The following FSTL4 variants were observed in gnomAD, a reference collection of about 807,000 sequenced individuals.
FSTL4 encodes the protein follistatin-related protein 4.
FSTL4 carries 28 observed loss-of-function variants against 78.2 expected under a neutral mutation model. The ratio of observed to expected loss-of-function variants is 0.36; its 90% CI spans 0.27 to 0.49. The LOEUF (loss-of-function observed/expected upper bound fraction) is 0.49, where lower values mean the gene tolerates loss of function less well. Among genes scored for constraint, FSTL4 ranks in the 20% least tolerant of loss-of-function variants. The pLI, the probability that FSTL4 is intolerant of heterozygous loss-of-function variation, is 0.98. For synonymous variants in FSTL4, 422 were observed against 440.5 expected (o/e 0.96, Z 0.53); for missense variants, 922 against 1,084.9 (o/e 0.85, Z 2.11).
At chr5:133,559,141 TAAAG>T (rs1004107340) in intron 3 of FSTL4, among the ~76,000 whole-genome samples, 1 of 152,150 alleles carries the variant, frequency 6.6e-6, no homozygotes, top group African/African-American at 2.4e-5. Context: ...CGTTTCCTAA[TAAAG>T]AAAGATTGCC....
intron 3 of FSTL4, among the ~76,000 whole-genome samples, chr5:133,449,224 G>A (rs1406874809): frequency 1.3e-5 from 2 of 152,124 alleles, no homozygotes; most frequent in Non-Finnish European, 2.9e-5. Flanking sequence ...CTGCCCCTTC[G>A]CGCCTCACCT....
At chr5:133,665,400 C>G in the FSTL4 span, among the ~76,000 whole-genome samples, 2 of 152,154 alleles carry the variant, frequency 1.3e-5, no homozygotes, top group Non-Finnish European at 2.9e-5. Context: ...GTTTTAAATG[C>G]CTGGGCCTGG....
At chr5:133,702,340 A>G in the FSTL4 span, among the ~76,000 whole-genome samples, 1 of 152,202 alleles carries the variant, frequency 6.6e-6, no homozygotes, top group African/African-American at 2.4e-5. Flanking sequence ...AGAGAAGGCT[A>G]TGGCTCCTCG....
At chr5:133,689,387 C>T in the FSTL4 span, among the ~76,000 whole-genome samples, 2 of 152,200 alleles carry the variant, frequency 1.3e-5, no homozygotes, top group African/African-American at 4.8e-5. Context: ...GAAAACATTG[C>T]TTGAGGCAAT....
the FSTL4 span, among the ~76,000 whole-genome samples, chr5:133,722,050 C>G: frequency 0.24 from 36,920 of 151,588 alleles, 5,076 homozygotes; most frequent in African/African-American, 0.38. Flanking sequence ...TTGATCAAAT[C>G]TGCTGTTGAA....
the FSTL4 span, among the ~76,000 whole-genome samples, chr5:133,823,509 C>T: frequency 2.0e-5 from 3 of 152,164 alleles, no homozygotes; most frequent in Admixed American, 6.5e-5. Flanking sequence ...GGGGAGATCT[C>T]ACTGGAAGCC....
intron 6 of FSTL4, among the ~76,000 whole-genome samples, chr5:133,261,172 C>T (rs977882158): frequency 5.3e-5 from 8 of 152,152 alleles, no homozygotes; most frequent in Admixed American, 1.3e-4. Flanking sequence ...ATCTCCATCA[C>T]GAGAAGGCCC....
upstream of FSTL4, among the ~76,000 whole-genome samples, chr5:133,616,109 T>G (rs954894390): frequency 2.0e-5 from 3 of 152,128 alleles, no homozygotes; most frequent in African/African-American, 7.2e-5. Context: ...CAAGGGATAA[T>G]TGGGGATGAG....
the FSTL4 span, among the ~76,000 whole-genome samples, chr5:133,831,805 G>C: frequency 6.6e-6 from 1 of 152,190 alleles, no homozygotes; most frequent in Admixed American, 6.5e-5. Flanking sequence ...GGACAGGGAG[G>C]AAACATCTCA....
intron 6 of FSTL4, among the ~76,000 whole-genome samples, chr5:133,273,044 G>T (rs1457102786): frequency 6.6e-6 from 1 of 152,214 alleles, no homozygotes; most frequent in Non-Finnish European, 1.5e-5. Context: ...CATGTGCTGG[G>T]GGCCAGCGCT....
At chr5:133,466,647 C>T (rs1375931659) in intron 3 of FSTL4, among the ~76,000 whole-genome samples, 1 of 152,186 alleles carries the variant, frequency 6.6e-6, no homozygotes, top group Non-Finnish European at 1.5e-5. Flanking sequence ...TATTGAATTC[C>T]CTCTGAGTAA....
chr5:133,283,264 CTGTG>C (rs952931759), intron 6 of FSTL4, among the ~76,000 whole-genome samples: 1 of 138,952 alleles, frequency 7.2e-6, no homozygotes, highest in Non-Finnish European at 1.5e-5. Context: ...GTGTGTGTGT[CTGTG>C]TGTGTGTGTG....
At chr5:133,203,341 T>C (rs1055471842) in intron 14 of FSTL4, among the ~76,000 whole-genome samples, 7 of 152,238 alleles carry the variant, frequency 4.6e-5, no homozygotes, top group Admixed American at 1.3e-4. Flanking sequence ...GTGACTCCCA[T>C]GGCTGAGAGC....
At chr5:133,439,867 A>T (rs1416015849) in intron 3 of FSTL4, among the ~76,000 whole-genome samples, 1 of 151,906 alleles carries the variant, frequency 6.6e-6, no homozygotes, top group Non-Finnish European at 1.5e-5. Flanking sequence ...CACACCTGGC[A>T]CCATCAGTGC....
At chr5:133,606,035 G>A (rs1256884912) in intron 1 of FSTL4, among the ~76,000 whole-genome samples, 2 of 152,170 alleles carry the variant, frequency 1.3e-5, no homozygotes, top group East Asian at 3.9e-4. Context: ...TAGCTAGGGT[G>A]TGTGAAATCT....
rs554409266 is a variant in FSTL4 at position 133,264,448 on chromosome 5, C to A, written c.728-14872G>T. ...TCATCCTGAGCTCGACAAGCCCAAA[C>A]CTTGCCCGGGGGTGTGGCTATCACA... On this transcript the variant is annotated intron_variant, in intron 6 of 15. Transcript: ENST00000265342. 1.6e-3 allele frequency among the ~76,000 whole-genome samples: 248 copies of A among 152,248 alleles called. 2 individuals carry two copies. The highest frequency in any genetic ancestry group is 5.5e-3 in the African/African-American group (229 of 41,554).
the FSTL4 span, among the ~76,000 whole-genome samples, chr5:133,652,599 A>G: frequency 6.6e-6 from 1 of 152,098 alleles, no homozygotes; most frequent in African/African-American, 2.4e-5. Flanking sequence ...TGCTTGCTTT[A>G]ATTCCATTGT....
intron 2 of FSTL4, among the ~76,000 whole-genome samples, chr5:133,598,314 C>T (rs1418557228): frequency 6.6e-6 from 1 of 152,000 alleles, no homozygotes; most frequent in Admixed American, 6.5e-5. Context: ...AGCTCAGAAT[C>T]TTGGGACCCA....
intron 8 of FSTL4, among the ~76,000 whole-genome samples, chr5:133,231,070 C>T (rs559515286): frequency 4.1e-4 from 63 of 152,222 alleles, no homozygotes; most frequent in Non-Finnish European, 7.8e-4. Context: ...TACCTAGACA[C>T]CACCCCAGCT....
Sources: gnomAD v4.1 joint callset for allele counts (sites outside exome capture counted in the v4.1 genomes callset) on GRCh38, gnomAD v4.1.1 for gene constraint, MANE v1.5 for transcripts, NCBI Gene and HGNC (gene_info 2026-07-23, HGNC 2026-07-21) for gene names.